The following ZNF318 variants were observed in gnomAD, a reference collection of about 807,000 sequenced individuals.
ZNF318 encodes zinc finger protein 318, also known as endocrine regulator.
Under a neutral mutation model 124.2 loss-of-function variants are expected in ZNF318, and 51 were observed. The ratio of observed to expected loss-of-function variants is 0.41; its 90% CI spans 0.33 to 0.52. The LOEUF (loss-of-function observed/expected upper bound fraction) is 0.52, where lower values mean the gene tolerates loss of function less well. ZNF318 is among the 20% of genes least tolerant of loss of function. ZNF318 has a pLI of 0.23. For synonymous variants in ZNF318, 1,090 were observed against 1,040.7 expected (o/e 1.05, Z -0.91); for missense variants, 2,815 against 2,811.2 (o/e 1.00, Z -0.03).
chr6:43,340,970 A>G (rs746789798), intron 8 of ZNF318, 62 bp from the exon 9 acceptor site: 20 of 1,231,942 alleles, frequency 1.6e-5, no homozygotes, highest in Non-Finnish European at 2.3e-5. Context: ...ACAGCAACCA[A>G]TGGAAATCCC....
chr6:43,366,379 A>C (rs1779761712), intron 1 of ZNF318, among the ~76,000 whole-genome samples: 1 of 152,234 alleles, frequency 6.6e-6, no homozygotes, highest in African/African-American at 2.4e-5. Context: ...GGTTTTACAC[A>C]GGATAGTGAC....
In ZNF318 at chr6:43,368,968, C is replaced by T. The variant is rs561969084; in HGVS notation, c.398G>A (p.Arg133Gln). The T allele has an allele frequency of 7.1e-7, 1 of 1,409,418 alleles. No individual in the cohort carries two copies. The highest frequency in any genetic ancestry group is 2.7e-5 in the Admixed American group (1 of 36,618). The allele number at this position is 1,409,418 out of a possible 1,614,324, so 87.3% of individuals were successfully genotyped here. ...GTCCTGGACGAGGGGTGGGATTACCCGGCTGCCGCTGTCGCCTGGATGGTC... is the reference window on the plus strand; with the variant it reads ...GTCCTGGACGAGGGGTGGGATTACCTGGCTGCCGCTGTCGCCTGGATGGTC... ...RGDHPGDSGSRRRSPGLCSDS... is the reference protein window; with the variant it reads ...RGDHPGDSGSQRRSPGLCSDS... The change falls in exon 1 of 10, where the codon CGG becomes CAG. Residue 133 changes from arginine (R) to glutamine (Q), a missense_variant and splice_region_variant. This residue lies in a region of ZNF318 where 1,377 missense variants were observed against 1,353.5 expected (regional missense o/e 1.02). Transcript: ENST00000361428.
At chr6:43,340,625 C>T (rs1563788) in intron 9 of ZNF318, 123 bp from the exon 10 acceptor site, 479,592 of 1,503,926 alleles carry the variant, frequency 0.32, 82,663 homozygotes, top group African/African-American at 0.68. Flanking sequence ...CAAGGACATA[C>T]GGGATGCTAT....
chr6:43,343,385 A>G (rs1316232836), intron 6 of ZNF318, among the ~76,000 whole-genome samples: 1 of 152,242 alleles, frequency 6.6e-6, no homozygotes, highest in Non-Finnish European at 1.5e-5. Context: ...CATCACATGC[A>G]TCCTGGTATG....
In ZNF318 at chr6:43,339,338, CTAAT is replaced by C; in HGVS notation, c.4656_4659del (p.Leu1553ArgfsTer7). The C allele has an allele frequency of 6.2e-7, 1 of 1,614,186 alleles. No individual in the cohort carries two copies. Among genetic ancestry groups the C allele is most frequent in the Non-Finnish European group, 8.5e-7 (1 of 1,180,042 alleles). On this transcript the variant is annotated frameshift_variant, in exon 10 of 10. Coordinates refer to ENST00000361428, the MANE Select transcript of ZNF318 (RefSeq NM_014345.3). LOFTEE classifies it low-confidence loss of function (END_TRUNC). This position sits in a 1 kb window ranked among gnomAD's most constrained non-coding sequence, Gnocchi z 4.2. ...GTGGCTAAGCATGAATTTCGCTTCT[CTAAT>C]TTTTTGGCTTGTTCACTGAACACAC...
intron 6 of ZNF318, among the ~76,000 whole-genome samples, chr6:43,346,799 T>A (rs150734900): frequency 3.9e-4 from 60 of 152,268 alleles, no homozygotes; most frequent in Middle Eastern, 3.4e-3. Flanking sequence ...ATATTGCACA[T>A]CCGGAAAATT....
At chr6:43,346,382 G>A (rs1431822258) in intron 6 of ZNF318, among the ~76,000 whole-genome samples, 1 of 151,850 alleles carries the variant, frequency 6.6e-6, no homozygotes, top group East Asian at 1.9e-4. Flanking sequence ...TCGGCAGGCT[G>A]AGGCAGAAGA....
intron 1 of ZNF318, chr6:43,368,623 C>G: frequency 3.1e-6 from 3 of 971,724 alleles, no homozygotes; most frequent in Non-Finnish European, 3.7e-6. Flanking sequence ...GTACGGAACC[C>G]CGAGGACACA....
At chr6:43,352,159 T>C (rs1779535572) in intron 5 of ZNF318, among the ~76,000 whole-genome samples, 1 of 57,064 alleles carries the variant, frequency 1.8e-5, no homozygotes, top group South Asian at 5.5e-4. Flanking sequence ...ATCATCATCA[T>C]CATCATCATC....
At chr6:43,368,616 C>T (rs1779792286) in intron 1 of ZNF318, 2 of 961,484 alleles carry the variant, frequency 2.1e-6, no homozygotes, top group Non-Finnish European at 2.5e-6. Flanking sequence ...ATGAAAAGTA[C>T]GGAACCCCGA....
At chr6:43,363,735 G>C in intron 2 of ZNF318, 1 of 589,962 alleles carries the variant, frequency 1.7e-6, no homozygotes, top group Non-Finnish European at 3.0e-6. Context: ...ATGAGGTGTT[G>C]AAGATTATGC....
At chr6:43,344,212 C>G (rs915608032) in intron 6 of ZNF318, among the ~76,000 whole-genome samples, 4 of 152,176 alleles carry the variant, frequency 2.6e-5, no homozygotes, top group Admixed American at 2.6e-4. Flanking sequence ...TCACACCAGA[C>G]AGGCAGGGGA....
chr6:43,348,398 C>T lies in ZNF318; in HGVS notation c.2998G>A (p.Glu1000Lys). The change falls in exon 6 of 10, where the codon GAG becomes AAG. Residue 1000 changes from glutamate to lysine, a missense_variant. Glu to Lys is a moderately conservative substitution (Grantham distance 56). This residue lies in a region of ZNF318 where 1,377 missense variants were observed against 1,353.5 expected (regional missense o/e 1.02). Transcript: ENST00000361428. ...KSLSDSREPT[E>K]KPGKAEKSKS... is the part of the protein sequence containing the mutation. ...GATTTTTCTGCTTTCCCAGGCTTCT[C>T]TGTAGGCTCTCTACTGTCACTTAAA... is the stretch of plus-strand genomic sequence containing the variant. The T allele has an allele frequency of 6.2e-7, 1 of 1,614,186 alleles. No homozygotes were observed. Among genetic ancestry groups the T allele is most frequent in the South Asian group, 1.1e-5 (1 of 91,084 alleles).
At chr6:43,344,948 A>C (rs1321110412) in intron 6 of ZNF318, among the ~76,000 whole-genome samples, 1 of 152,150 alleles carries the variant, frequency 6.6e-6, no homozygotes, top group Non-Finnish European at 1.5e-5. Flanking sequence ...CCAAGGTATT[A>C]ATAACAGTGG....
chr6:43,355,035 A>G lies in ZNF318; in HGVS notation c.2299T>C (p.Ser767Pro). ...GGTATCCGAGCTGCAGCAAACTGAG[A>G]GGCCCTTGGCATGTGAAACTGAGAT... ...ALSQFHMPRA[S>P]QFAAARIPPN... Residue 767 changes from serine (S) to proline (P), a missense_variant, in exon 4 of 10, where the codon TCT (serine) becomes CCT (proline). Transcript: ENST00000361428. The G allele has an allele frequency of 6.2e-7, 1 of 1,613,696 alleles. No individual in the cohort carries two copies. Among genetic ancestry groups the G allele is most frequent in the Non-Finnish European group, 8.5e-7 (1 of 1,179,688 alleles).
chr6:43,354,685 GTTC>G lies in ZNF318; in HGVS notation c.2646_2648del (p.Lys882del). On this transcript the variant is annotated inframe_deletion, in exon 4 of 10. Coordinates refer to ENST00000361428, the MANE Select transcript of ZNF318 (RefSeq NM_014345.3). ...TCACCTTTTGCTTCTGGGAAGCACG[GTTC>G]TTCTCATCAGAGATCTTCTCTGGAT... is the stretch of plus-strand genomic sequence containing the variant. The G allele has an allele frequency of 6.2e-7, 1 of 1,609,526 alleles. No homozygotes were observed. Among genetic ancestry groups the G allele is most frequent in the South Asian group, 1.1e-5 (1 of 90,802 alleles).
At chr6:43,354,104 TACAC>T (rs376470195) in intron 4 of ZNF318, among the ~76,000 whole-genome samples, 1 of 150,332 alleles carries the variant, frequency 6.7e-6, no homozygotes, top group African/African-American at 2.4e-5. Flanking sequence ...TACACACACA[TACAC>T]ACACACACAC....
intron 5 of ZNF318, among the ~76,000 whole-genome samples, chr6:43,349,257 T>A (rs907148333): frequency 1.3e-5 from 2 of 152,220 alleles, no homozygotes; most frequent in Non-Finnish European, 2.9e-5. Context: ...GTTGTAACTA[T>A]GAATTTAGCA....
chr6:43,349,287 G>A (rs1435739466), intron 5 of ZNF318, among the ~76,000 whole-genome samples: 3 of 152,090 alleles, frequency 2.0e-5, no homozygotes, highest in Non-Finnish European at 4.4e-5. Context: ...TCTTCAGAGG[G>A]CTGAAGAATT....
Sources: gnomAD v4.1 joint callset for allele counts (sites outside exome capture counted in the v4.1 genomes callset) on GRCh38, gnomAD v4.1.1 for gene constraint, gnomAD v4.1.1 regional missense constraint, Gnocchi (gnomAD v3.1) non-coding constraint, MANE v1.5 for transcripts, NCBI Gene and HGNC (gene_info 2026-07-23, HGNC 2026-07-21) for gene names.